The following GPHN variants were observed in gnomAD, a reference collection of about 807,000 sequenced individuals.
The protein encoded by GPHN is gephyrin.
A neutral mutation model predicts 95.5 loss-of-function variants in GPHN; 17 were observed. That is an observed-to-expected ratio of 0.18 (90% CI 0.12 to 0.27). GPHN has a LOEUF of 0.27. Among genes scored for constraint, GPHN ranks in the 10% least tolerant of loss-of-function variants. The pLI, the probability that GPHN is intolerant of heterozygous loss-of-function variation, is 1.00. For synonymous variants in GPHN, 320 were observed against 322.5 expected, an observed-to-expected ratio of 0.99 and a Z score of 0.08; for missense variants, 660 against 978.1, an observed-to-expected ratio of 0.67 and a Z score of 4.34.
At chr14:66,928,361 A>G (rs2066600320) in intron 8 of GPHN, among the ~76,000 whole-genome samples, 1 of 152,142 alleles carries the variant, frequency 6.6e-6, no homozygotes, top group Non-Finnish European at 1.5e-5. Context: ...TTTTTGTGGT[A>G]TAATCATGAT....
chr14:67,618,046 GGAAGCCCT>G, the GPHN span, among the ~76,000 whole-genome samples: 130 of 152,304 alleles, frequency 8.5e-4, 6 homozygotes, highest in East Asian at 0.024. Context: ...CAGTAGCACA[GGAAGCCCT>G]GAGGCAACCT....
At chr14:66,994,271 C>T (rs190485424) in intron 9 of GPHN, among the ~76,000 whole-genome samples, 2 of 151,998 alleles carry the variant, frequency 1.3e-5, no homozygotes, top group East Asian at 1.9e-4. Flanking sequence ...AAGGCTGAAG[C>T]GAGAGAATTG....
At chr14:66,886,535 A>G (rs2064201563) in intron 5 of GPHN, among the ~76,000 whole-genome samples, 2 of 152,168 alleles carry the variant, frequency 1.3e-5, no homozygotes, top group African/African-American at 4.8e-5. Flanking sequence ...CTTTAAAAAA[A>G]TAAAGAAGAA....
At chr14:67,534,447 G>A in the GPHN span, among the ~76,000 whole-genome samples, 3 of 152,134 alleles carry the variant, frequency 2.0e-5, no homozygotes, top group South Asian at 2.1e-4. Context: ...TTAGCTGGGT[G>A]TGGTGGTGTG....
chr14:67,701,718 G>C, the GPHN span, among the ~76,000 whole-genome samples: 1 of 151,988 alleles, frequency 6.6e-6, no homozygotes, highest in East Asian at 1.9e-4. Context: ...CACCACGCCA[G>C]GCCTATTATG....
the GPHN span, among the ~76,000 whole-genome samples, chr14:67,245,473 AT>A: frequency 6.6e-6 from 1 of 152,048 alleles, no homozygotes; most frequent in South Asian, 2.1e-4. Flanking sequence ...CCATTTTTAA[AT>A]TGGATTATTG....
At chr14:67,383,126 A>G in the GPHN span, among the ~76,000 whole-genome samples, 1 of 152,174 alleles carries the variant, frequency 6.6e-6, no homozygotes, top group Non-Finnish European at 1.5e-5. Context: ...TTTCTATACT[A>G]TTCTCATAAG....
chr14:67,715,858 CA>C, the GPHN span, among the ~76,000 whole-genome samples: 1 of 152,134 alleles, frequency 6.6e-6, no homozygotes. Context: ...GCTGGGGGAA[CA>C]CAAATGTAGA....
intron 16 of GPHN, among the ~76,000 whole-genome samples, chr14:67,119,552 G>A (rs560624842): frequency 2.0e-5 from 3 of 152,304 alleles, no homozygotes; most frequent in African/African-American, 7.2e-5. Flanking sequence ...CACTTTGGGA[G>A]GCCGAGGTGG....
chr14:66,854,282 A>C (rs1053122694), intron 4 of GPHN, among the ~76,000 whole-genome samples: 2 of 152,168 alleles, frequency 1.3e-5, no homozygotes, highest in Non-Finnish European at 2.9e-5. Flanking sequence ...CTCAAACCTC[A>C]TTTCAAGTTC....
intron 3 of GPHN, among the ~76,000 whole-genome samples, chr14:66,808,302 A>G (rs1040667680): frequency 6.6e-6 from 1 of 152,196 alleles, no homozygotes; most frequent in African/African-American, 2.4e-5. Flanking sequence ...TACATGTATC[A>G]TCCATTTATT....
At chr14:67,647,782 A>G in the GPHN span, 2 of 423,044 alleles carry the variant, frequency 4.7e-6, no homozygotes, top group African/African-American at 4.0e-5. Flanking sequence ...TACCCAGTGT[A>G]AGGCAGAAAT....
At chr14:67,395,146 G>T in the GPHN span, among the ~76,000 whole-genome samples, 3 of 152,202 alleles carry the variant, frequency 2.0e-5, no homozygotes, top group African/African-American at 4.8e-5. Context: ...ATGGAATGGG[G>T]GTCTTGTGTC....
chr14:66,727,575 A>G (rs898002872), intron 2 of GPHN, among the ~76,000 whole-genome samples: 7 of 152,188 alleles, frequency 4.6e-5, no homozygotes, highest in Admixed American at 3.3e-4. Context: ...CTTGTTGGGA[A>G]CTGGAGAAAA....
At chr14:67,312,389 A>G in the GPHN span, 3 of 554,278 alleles carry the variant, frequency 5.4e-6, no homozygotes, top group Non-Finnish European at 8.6e-6. Context: ...ATTATCCTGG[A>G]CAACATACTG....
At chr14:67,702,686 T>C in the GPHN span, among the ~76,000 whole-genome samples, 3 of 152,262 alleles carry the variant, frequency 2.0e-5, no homozygotes, top group Non-Finnish European at 4.4e-5. Flanking sequence ...CTTACTAATT[T>C]ATGAGTGCTC....
At chr14:67,058,599 T>G (rs773202166) in intron 10 of GPHN, 50 bp from the exon 11 acceptor site, 313 of 1,534,996 alleles carry the variant, frequency 2.0e-4, no homozygotes, top group Non-Finnish European at 2.6e-4. Context: ...TTGCCACTTT[T>G]TAATCAGTGT....
At chr14:67,208,467 A>T in the GPHN span, 1 of 1,599,880 alleles carries the variant, frequency 6.3e-7, no homozygotes, top group Non-Finnish European at 8.5e-7. Context: ...AGGCAGGAAC[A>T]TGCCAAAGGA....
chr14:66,584,506 A>G (rs2061339308), intron 1 of GPHN, among the ~76,000 whole-genome samples: 1 of 152,130 alleles, frequency 6.6e-6, no homozygotes, highest in South Asian at 2.1e-4. Flanking sequence ...TCCATTCAGT[A>G]TAATATTGGC....
Sources: gnomAD v4.1 joint callset for allele counts (sites outside exome capture counted in the v4.1 genomes callset) on GRCh38, gnomAD v4.1.1 for gene constraint, MANE v1.5 for transcripts, NCBI Gene and HGNC (gene_info 2026-07-23, HGNC 2026-07-21) for gene names.